Variants in PDZRN4 observed in about 807,000 individuals in gnomAD.
PDZRN4 encodes the protein PDZ domain-containing RING finger protein 4.
PDZRN4 carries 70 observed loss-of-function variants against 99.0 expected under a neutral mutation model. That is an observed-to-expected ratio of 0.71 (90% CI 0.58 to 0.86). The LOEUF (loss-of-function observed/expected upper bound fraction) is 0.86, where lower values mean the gene tolerates loss of function less well. PDZRN4 is among the 40% of genes least tolerant of loss of function. The pLI is 0.00. For missense variants in PDZRN4, 1,474 were observed against 1,331.2 expected, an observed-to-expected ratio of 1.11 and a Z score of -1.67; for synonymous variants, 551 against 501.6, an observed-to-expected ratio of 1.10 and a Z score of -1.32.
intron 3 of PDZRN4, among the ~76,000 whole-genome samples, chr12:41,290,144 T>A (rs1336984780): frequency 1.3e-5 from 2 of 152,226 alleles, no homozygotes; most frequent in Non-Finnish European, 2.9e-5. Flanking sequence ...AACAGAATCC[T>A]CTTAGCATCC....
chr12:41,234,187 G>A (rs549318265), intron 3 of PDZRN4, among the ~76,000 whole-genome samples: 101 of 152,036 alleles, frequency 6.6e-4, no homozygotes, highest in Non-Finnish European at 1.3e-3. Flanking sequence ...GACTGTCACT[G>A]TATTTTTCAA....
intron 5 of PDZRN4, among the ~76,000 whole-genome samples, chr12:41,534,645 G>C (rs1430883272): frequency 6.6e-6 from 1 of 152,024 alleles, no homozygotes; most frequent in African/African-American, 2.4e-5. Flanking sequence ...TCTGCTATTG[G>C]CAAAATACTT....
intron 3 of PDZRN4, among the ~76,000 whole-genome samples, chr12:41,493,901 T>TG (rs149736537): frequency 0.15 from 20,319 of 137,240 alleles, 1,419 homozygotes; most frequent in South Asian, 0.22. Context: ...AAAAAAATAA[T>TG]GGGGGGGGGG....
intron 3 of PDZRN4, among the ~76,000 whole-genome samples, chr12:41,286,614 T>C (rs904720017): frequency 6.6e-6 from 1 of 152,212 alleles, no homozygotes; most frequent in Non-Finnish European, 1.5e-5. Flanking sequence ...CCACTCACTA[T>C]TCTTGGAGGC....
intron 3 of PDZRN4, chr12:41,477,856 A>AT: frequency 6.5e-7 from 1 of 1,533,040 alleles, no homozygotes; most frequent in Admixed American, 1.9e-5. Context: ...TTTTTCTTGC[A>AT]TTTTTCAGGT....
chr12:41,509,846 A>C lies in PDZRN4; in HGVS notation c.1136A>C (p.Tyr379Ser). 6.2e-7 allele frequency: 1 copy of C among 1,600,866 alleles called. No homozygotes were observed. The highest frequency in any genetic ancestry group is 1.1e-5 in the South Asian group (1 of 90,114). Residue 379 changes from tyrosine to serine, a missense_variant, in exon 5 of 10, where the codon TAT (tyrosine) becomes TCT (serine). Coordinates refer to ENST00000402685, the MANE Select transcript of PDZRN4 (RefSeq NM_001164595.2). ...HSLHPMEHEF[Y>S]EDNEYISSLP... The stretch of plus-strand genomic sequence containing the variant: ...CTACATCCAATGGAGCATGAATTTT[A>C]TGAGGACAATGAGTATATTTCCAGC...
chr12:41,402,123 A>ATG (rs2121142091), intron 3 of PDZRN4, among the ~76,000 whole-genome samples: 1 of 39,162 alleles, frequency 2.6e-5, no homozygotes, highest in East Asian at 4.7e-4. Context: ...GAGTATATAT[A>ATG]TATATATATA....
At chr12:41,419,174 G>A (rs1404812590) in intron 3 of PDZRN4, among the ~76,000 whole-genome samples, 1 of 152,080 alleles carries the variant, frequency 6.6e-6, no homozygotes, top group Admixed American at 6.6e-5. Flanking sequence ...TTTCATATCT[G>A]GTGTTTTGGT....
intron 3 of PDZRN4, among the ~76,000 whole-genome samples, chr12:41,402,107 C>A (rs1162249573): frequency 4.2e-5 from 4 of 94,428 alleles, no homozygotes; most frequent in African/African-American, 2.1e-4. Flanking sequence ...TATATATATA[C>A]ACACTGAGTA....
rs370952949 is a variant in PDZRN4 at position 41,189,126 on chromosome 12, C to A, written c.648+23C>A. ...AGGGTAAGCAAAGGGGGGTGGGCAC[C>A]GCGGGCATGGTCGATTGGGGTGGGA... On this transcript the variant is annotated intron_variant, in intron 1 of 9. Transcript: ENST00000402685. The A allele has an allele frequency of 6.7e-5, 106 of 1,570,382 alleles. 3 individuals are homozygous for A. The South Asian group carries it at 1.1e-3, about 16-fold the overall frequency.
intron 3 of PDZRN4, among the ~76,000 whole-genome samples, chr12:41,329,209 C>A (rs1217461955): frequency 1.3e-5 from 2 of 152,068 alleles, no homozygotes; most frequent in Non-Finnish European, 2.9e-5. Context: ...GAGATGAAAA[C>A]CTCCTTTGAA....
At chr12:41,549,549 T>C (rs531480905) in intron 5 of PDZRN4, among the ~76,000 whole-genome samples, 75 of 152,318 alleles carry the variant, frequency 4.9e-4, no homozygotes, top group African/African-American at 1.8e-3. Context: ...CACTTGGGAC[T>C]GGTGTGAGGT....
intron 3 of PDZRN4, among the ~76,000 whole-genome samples, chr12:41,253,230 A>G (rs909180777): frequency 1.1e-4 from 17 of 152,254 alleles, no homozygotes; most frequent in African/African-American, 3.9e-4. Flanking sequence ...GTCTTACACA[A>G]AAAAATCTTT....
intron 3 of PDZRN4, among the ~76,000 whole-genome samples, chr12:41,364,788 A>AT (rs1303244048): frequency 6.6e-6 from 1 of 152,118 alleles, no homozygotes; most frequent in African/African-American, 2.4e-5. Context: ...TATGGGAATC[A>AT]TAGGTACTGG....
intron 3 of PDZRN4, among the ~76,000 whole-genome samples, chr12:41,421,477 G>T (rs1952490018): frequency 6.6e-6 from 1 of 152,148 alleles, no homozygotes; most frequent in Non-Finnish European, 1.5e-5. Context: ...ACAGGCATGA[G>T]CCACCGTGCC....
At chr12:41,440,945 C>T (rs1484415385) in intron 3 of PDZRN4, among the ~76,000 whole-genome samples, 1 of 152,148 alleles carries the variant, frequency 6.6e-6, no homozygotes, top group East Asian at 1.9e-4. Context: ...AAGAGAGCTA[C>T]AATAGCTTGT....
intron 3 of PDZRN4, among the ~76,000 whole-genome samples, chr12:41,376,113 TG>T (rs1781982856): frequency 2.6e-5 from 4 of 152,168 alleles, no homozygotes; most frequent in Admixed American, 2.6e-4. Context: ...ATACAATTTG[TG>T]TGTATGTATG....
intron 3 of PDZRN4, among the ~76,000 whole-genome samples, chr12:41,441,719 A>T (rs1350432): frequency 0.17 from 25,721 of 152,062 alleles, 2,281 homozygotes; most frequent in South Asian, 0.27. Flanking sequence ...CATACTATGT[A>T]ACCCCTACTC....
intron 3 of PDZRN4, among the ~76,000 whole-genome samples, chr12:41,212,146 G>T (rs1255393524): frequency 2.0e-5 from 3 of 151,848 alleles, no homozygotes; most frequent in African/African-American, 7.3e-5. Flanking sequence ...ATCTCTGTGG[G>T]CCCTAATTAG....
Sources: gnomAD v4.1 joint callset for allele counts (sites outside exome capture counted in the v4.1 genomes callset) on GRCh38, gnomAD v4.1.1 for gene constraint, MANE v1.5 for transcripts, NCBI Gene and HGNC (gene_info 2026-07-23, HGNC 2026-07-21) for gene names.